Variants in LOC128125822 observed in about 807,000 individuals in gnomAD.
At chr6:63,578,548 T>C in the LOC128125822 span, 2 of 1,601,120 alleles carry the variant, frequency 1.2e-6, no homozygotes, top group African/African-American at 1.3e-5. Flanking sequence ...TTAACAGTTC[T>C]TATGGGTTTA....
At chr6:63,576,446 GTGT>G in the LOC128125822 span, 1 of 399,326 alleles carries the variant, frequency 2.5e-6, no homozygotes, top group Non-Finnish European at 4.4e-6. Context: ...CAATTCTGTG[GTGT>G]TCTTGGTCAC....
chr6:63,581,223 A>C, the LOC128125822 span: 1 of 152,488 alleles, frequency 6.6e-6, no homozygotes, highest in African/African-American at 2.4e-5. Flanking sequence ...CTAATATTTT[A>C]TATGCCTTTT....
chr6:63,578,600 A>G, the LOC128125822 span: 1 of 1,531,678 alleles, frequency 6.5e-7, no homozygotes, highest in Non-Finnish European at 8.7e-7. Context: ...GTAAATTCAA[A>G]TAAATATCTA....
At chr6:63,576,862 GTT>G in the LOC128125822 span, 1 of 1,594,998 alleles carries the variant, frequency 6.3e-7, no homozygotes, top group Non-Finnish European at 8.6e-7. Flanking sequence ...CCTATTGAGT[GTT>G]TTTTAACTAA....
chr6:63,575,845 T>C, the LOC128125822 span, among the ~76,000 whole-genome samples: 1 of 152,106 alleles, frequency 6.6e-6, no homozygotes, highest in Non-Finnish European at 1.5e-5. Context: ...AGTGAGATTC[T>C]AAATATAGGA....
At chr6:63,572,827 G>T in the LOC128125822 span, 3 of 396,024 alleles carry the variant, frequency 7.6e-6, no homozygotes, top group Admixed American at 4.4e-5. Flanking sequence ...GGTTGCCCCG[G>T]GTTGCGGTTC....
the LOC128125822 span, chr6:63,579,396 TAATAGTCTA>T: frequency 8.9e-7 from 1 of 1,128,182 alleles, no homozygotes; most frequent in South Asian, 1.5e-5. Context: ...TCAGTGAGTT[TAATAGTCTA>T]ATAGCCCATT....
chr6:63,579,340 T>C, the LOC128125822 span: 1 of 1,576,230 alleles, frequency 6.3e-7, no homozygotes, highest in South Asian at 1.1e-5. Context: ...CAGTAAGTAA[T>C]GGATTCTCTT....
the LOC128125822 span, chr6:63,578,586 A>C: frequency 5.8e-6 from 9 of 1,560,744 alleles, no homozygotes; most frequent in African/African-American, 8.4e-5. Flanking sequence ...AGTTTATTCA[A>C]ATAGTAAATT....
chr6:63,580,246 A>G, the LOC128125822 span: 1 of 1,235,176 alleles, frequency 8.1e-7, no homozygotes, highest in South Asian at 1.2e-5. Flanking sequence ...ATTAGCCAAC[A>G]TGTTGGCTTA....
the LOC128125822 span, chr6:63,581,351 G>A: frequency 1.3e-5 from 2 of 152,562 alleles, no homozygotes; most frequent in Non-Finnish European, 2.9e-5. Context: ...GGGATGTGTG[G>A]TTATAGTTCT....
At chr6:63,579,117 T>C in the LOC128125822 span, 2 of 1,397,954 alleles carry the variant, frequency 1.4e-6, no homozygotes, top group South Asian at 1.6e-5. Flanking sequence ...TTTTTTAATA[T>C]AAAGTCAACA....
At chr6:63,580,610 T>G in the LOC128125822 span, 1 of 154,660 alleles carries the variant, frequency 6.5e-6, no homozygotes, top group Non-Finnish European at 1.4e-5. Context: ...CTTATGTGGT[T>G]TATTCCTTCA....
chr6:63,579,136 A>T, the LOC128125822 span: 7 of 1,379,224 alleles, frequency 5.1e-6, no homozygotes, highest in Admixed American at 1.5e-4. Flanking sequence ...CATTTGTCAT[A>T]GGTATTACTT....
the LOC128125822 span, chr6:63,573,526 G>T: frequency 6.6e-6 from 1 of 152,268 alleles, no homozygotes; most frequent in Non-Finnish European, 1.5e-5. Flanking sequence ...GCGTGCTCGG[G>T]CGCACACAGC....
chr6:63,576,948 ACAATC>A, the LOC128125822 span: 1 of 1,614,102 alleles, frequency 6.2e-7, no homozygotes, highest in South Asian at 1.1e-5. Context: ...CTTATTACAC[ACAATC>A]CAACCAATGC....
the LOC128125822 span, chr6:63,577,086 T>C: frequency 1.4e-5 from 11 of 794,798 alleles, no homozygotes; most frequent in African/African-American, 7.0e-5. Context: ...TGAGATGATA[T>C]ACCTACAATT....
the LOC128125822 span, chr6:63,580,727 G>A: frequency 1.4e-5 from 2 of 147,418 alleles, no homozygotes; most frequent in East Asian, 2.1e-4. Context: ...CTTAACCATT[G>A]ATTTTTTTTT....
At chr6:63,572,516 C>T in the LOC128125822 span, 1 of 391,776 alleles carries the variant, frequency 2.6e-6, no homozygotes, top group East Asian at 3.6e-5. Flanking sequence ...GGCTGCGGGC[C>T]GGCTCGGCTA....
Sources: allele counts gnomAD v4.1 joint callset (sites outside exome capture counted in the v4.1 genomes callset), GRCh38; gene constraint gnomAD v4.1.1; transcripts MANE v1.5.